SLTM: variants seen among roughly 807,000 people sequenced by gnomAD.
The protein encoded by SLTM is SAFB-like transcription modulator.
Under a neutral mutation model 134.6 loss-of-function variants are expected in SLTM, and 43 were observed. The ratio of observed to expected loss-of-function variants is 0.32; its 90% CI spans 0.25 to 0.41. The LOEUF (loss-of-function observed/expected upper bound fraction) is 0.41. SLTM is among the 10% of genes least tolerant of loss of function. SLTM has a pLI of 1.00. For missense variants in SLTM, 1,055 were observed against 1,288.8 expected, an observed-to-expected ratio of 0.82 and a Z score of 2.78; for synonymous variants, 424 against 432.3, an observed-to-expected ratio of 0.98 and a Z score of 0.24.
chr15:58,898,689 C>T, intron 8 of SLTM, 114 bp downstream of exon 8: 1 of 711,674 alleles, frequency 1.4e-6, no homozygotes, highest in Non-Finnish European at 2.4e-6. Flanking sequence ...AGTTTCTAGT[C>T]TGTCAATAAA....
chr15:58,912,397 C>A (rs908383002), intron 5 of SLTM, among the ~76,000 whole-genome samples, 166 bp downstream of exon 5: 3 of 152,148 alleles, frequency 2.0e-5, no homozygotes. Context: ...CCTAGCGCGC[C>A]CGACCTTGCC....
intron 5 of SLTM, among the ~76,000 whole-genome samples, chr15:58,911,067 G>T (rs1469431349): frequency 6.6e-6 from 1 of 152,036 alleles, no homozygotes; most frequent in African/African-American, 2.4e-5. Flanking sequence ...TTATCACTAG[G>T]AAATCAATGT....
chr15:58,882,445 C>T (rs527984301), intron 20 of SLTM, among the ~76,000 whole-genome samples: 7 of 152,154 alleles, frequency 4.6e-5, no homozygotes, highest in Admixed American at 6.5e-5. Flanking sequence ...AGCTTAGCCA[C>T]GGGAAGGAGC....
chr15:58,933,336 G>A, intron 1 of SLTM, 68 bp downstream of exon 1: 1 of 1,477,232 alleles, frequency 6.8e-7, no homozygotes, highest in Non-Finnish European at 9.0e-7. Flanking sequence ...GGCTGCGGCG[G>A]AAGCGGGGCG....
rs747692159 is a variant in SLTM at position 58,933,596 on chromosome 15, G to A, written c.-31C>T. ...AAGAGCAGCGCGCTGCCGAGGCAGC[G>A]AGTGGGCTGCAGGGCGGCGGCAGCA... On this transcript the variant is annotated 5_prime_UTR_variant, in exon 1 of 21. Transcript: ENST00000380516. The A allele has an allele frequency of 6.5e-7, 1 of 1,548,664 alleles. No individual in the cohort carries two copies. Among genetic ancestry groups the A allele is most frequent in the Non-Finnish European group, 8.7e-7 (1 of 1,149,570 alleles).
chr15:58,930,359 A>G (rs1259175122), intron 2 of SLTM, among the ~76,000 whole-genome samples: 1 of 147,368 alleles, frequency 6.8e-6, no homozygotes, highest in Non-Finnish European at 1.5e-5. Flanking sequence ...CGAATTCCCG[A>G]CCGCAGGTGA....
At chr15:58,924,500 T>C (rs1292865271) in intron 2 of SLTM, among the ~76,000 whole-genome samples, 1 of 152,206 alleles carries the variant, frequency 6.6e-6, no homozygotes, top group Admixed American at 6.5e-5. Flanking sequence ...CCCAGTGGCT[T>C]CTGGAACAGT....
chr15:58,905,841 T>A (rs887021372), intron 5 of SLTM, among the ~76,000 whole-genome samples: 1 of 152,206 alleles, frequency 6.6e-6, no homozygotes, highest in Admixed American at 6.5e-5. Context: ...TGCTGGAGAA[T>A]TTTTAGATAT....
chr15:58,898,063 T>C (rs1230172202), intron 8 of SLTM: 3 of 152,158 alleles, frequency 2.0e-5, no homozygotes, highest in African/African-American at 7.2e-5. Flanking sequence ...GAACAATTTC[T>C]ATATTTCACA....
At chr15:58,925,521 A>G (rs1297579537) in intron 2 of SLTM, among the ~76,000 whole-genome samples, 1 of 152,092 alleles carries the variant, frequency 6.6e-6, no homozygotes, top group Non-Finnish European at 1.5e-5. Flanking sequence ...TATTTTTAGT[A>G]GAGATGGGGT....
At chr15:58,884,648 T>C (rs1246284871) in intron 19 of SLTM, among the ~76,000 whole-genome samples, 1 of 151,878 alleles carries the variant, frequency 6.6e-6, no homozygotes, top group Non-Finnish European at 1.5e-5. Context: ...ATTTTTTTTT[T>C]TGGAGACATG....
intron 19 of SLTM, among the ~76,000 whole-genome samples, chr15:58,884,850 G>A (rs546355243): frequency 9.9e-5 from 15 of 151,816 alleles, no homozygotes; most frequent in African/African-American, 1.2e-4. Context: ...GTCCAAGCTC[G>A]TCTCGAACCC....
At chr15:58,884,410 C>A (rs1207479369) in intron 19 of SLTM, among the ~76,000 whole-genome samples, 1 of 152,092 alleles carries the variant, frequency 6.6e-6, no homozygotes, top group Non-Finnish European at 1.5e-5. Flanking sequence ...CCTCCGCCCC[C>A]CGGATTCAAG....
At chr15:58,891,502 A>C (rs2034640251) in intron 14 of SLTM, among the ~76,000 whole-genome samples, 1 of 152,242 alleles carries the variant, frequency 6.6e-6, no homozygotes, top group Non-Finnish European at 1.5e-5. Context: ...AAGGAAAATT[A>C]TACTTTCTTG....
chr15:58,933,618 A>T lies in SLTM; in HGVS notation c.-53T>A. 1 of 1,487,174 alleles carries T rather than the reference A, an allele frequency of 6.7e-7. No individual in the cohort carries two copies. Among genetic ancestry groups the T allele is most frequent in the Non-Finnish European group, 8.9e-7 (1 of 1,118,292 alleles). The allele number at this position is 1,487,174 out of a possible 1,614,324, so 92.1% of individuals were successfully genotyped here. A position where few individuals can be genotyped will look rare whatever the true frequency, so the allele number is the denominator to read the frequency against. On this transcript the variant is annotated 5_prime_UTR_variant, in exon 1 of 21. Coordinates refer to ENST00000380516, the MANE Select transcript of SLTM (RefSeq NM_024755.4). ...AGCGAGTGGGCTGCAGGGCGGCGGCAGCAGCGCCAACTTCCACCCAGGCCT... is the reference window on the plus strand; with the variant it reads ...AGCGAGTGGGCTGCAGGGCGGCGGCTGCAGCGCCAACTTCCACCCAGGCCT...
chr15:58,889,553 T>A lies in SLTM; in HGVS notation c.2081A>T (p.Glu694Val). Residue 694 changes from glutamate to valine, a missense_variant and splice_region_variant, in exon 16 of 21, where the codon GAA (glutamate) becomes GTA (valine). Coordinates refer to ENST00000380516, the MANE Select transcript of SLTM (RefSeq NM_024755.4). ...AATCCGTTCAGCTTCCTTACGACGT[T>A]CCTTCAGACAACACAGAATGAAGAA... The part of the protein sequence containing the change: ...LERERIRIEQ[E>V]RRKEAERIAR... 6.2e-7 allele frequency: 1 copy of A among 1,613,898 alleles called. No homozygotes were observed. Among genetic ancestry groups the A allele is most frequent in the African/African-American group, 1.3e-5 (1 of 75,034 alleles).
At chr15:58,920,662 T>TAAATA (rs1422520048) in intron 2 of SLTM, among the ~76,000 whole-genome samples, 1 of 135,600 alleles carries the variant, frequency 7.4e-6, no homozygotes, top group Non-Finnish European at 1.6e-5. Context: ...AATAAATAAA[T>TAAATA]AAAAATTTTT....
At chr15:58,902,251 T>A (rs2035534172) in intron 5 of SLTM, among the ~76,000 whole-genome samples, 1 of 152,152 alleles carries the variant, frequency 6.6e-6, no homozygotes, top group Admixed American at 6.5e-5. Flanking sequence ...TCATTTTATT[T>A]TTTAGAGACA....
chr15:58,879,809 C>T lies in SLTM; in HGVS notation c.*190G>A. On this transcript the variant is annotated 3_prime_UTR_variant, in exon 21 of 21. Transcript: ENST00000380516. ...AAAAAAAGTTGAATGATACACAAAA[C>T]TATTAAAAGTTACAACAGAACTATT... 1 of 657,784 alleles carries T rather than the reference C, an allele frequency of 1.5e-6. No individual in the cohort carries two copies. The highest frequency in any genetic ancestry group is 2.3e-6 in the Non-Finnish European group (1 of 427,284). 40.7% of individuals were successfully genotyped at this position (657,784 alleles called of 1,614,324 possible).
Sources: allele counts gnomAD v4.1 joint callset (sites outside exome capture counted in the v4.1 genomes callset), GRCh38; gene constraint gnomAD v4.1.1; transcripts MANE v1.5; gene names NCBI Gene and HGNC (gene_info 2026-07-23, HGNC 2026-07-21).